The following FREM3 variants were observed in gnomAD, a reference collection of about 807,000 sequenced individuals.
FREM3 encodes FRAS1 related extracellular matrix 3, also known as FRAS1-related extracellular matrix protein 3.
Under a neutral mutation model 129.1 loss-of-function variants are expected in FREM3, and 105 were observed. The ratio of observed to expected loss-of-function variants is 0.81; its 90% CI spans 0.69 to 0.96. The LOEUF is 0.96. FREM3 is among the 40% of genes least tolerant of loss of function. The pLI is 0.00. For missense variants in FREM3, 2,593 were observed against 2,666.3 expected (o/e 0.97, Z 0.61); for synonymous variants, 1,014 against 1,044.9 (o/e 0.97, Z 0.57).
chr4:143,616,050 A>G (rs568384124), intron 5 of FREM3, among the ~76,000 whole-genome samples: 1 of 152,364 alleles, frequency 6.6e-6, no homozygotes, highest in South Asian at 2.1e-4. Context: ...AAGCCCTCAG[A>G]TCTTTCACAG....
chr4:143,699,770 G>A lies in FREM3; in HGVS notation c.906C>T (p.Asn302=), dbSNP rs1740657639. The A allele has an allele frequency of 6.5e-7, 1 of 1,532,820 alleles. No homozygotes were observed. Among genetic ancestry groups the A allele is most frequent in the East Asian group, 2.4e-5 (1 of 40,886 alleles). The allele number at this position is 1,532,820 out of a possible 1,614,324, so 95.0% of individuals were successfully genotyped here. ...LLVRIRGGAE[N]TPPRPSFMAT... ...CCATGAAGCTGGGCCTGGGCGGTGT[G>A]TTCTCGGCTCCGCCGCGGATCCTCA... Residue 302 remains asparagine, a synonymous_variant, in exon 1 of 8, where the codon AAC becomes AAT. Transcript: ENST00000329798. This position sits in a 1 kb window ranked among gnomAD's most constrained non-coding sequence, Gnocchi z 4.2.
Position 143,698,704 on chromosome 4 carries a change from G to T in FREM3, c.1972C>A (p.Arg658Ser). 1.3e-6 allele frequency: 2 copies of T among 1,537,296 alleles called. No individual in the cohort carries two copies. The highest frequency in any genetic ancestry group is 1.7e-6 in the Non-Finnish European group (2 of 1,146,906). ...RDIMEGRLFY[R>S]HLGPHSPQSV... ...TGAGGGCTGTGTGGTCCAAGATGGCGGTAGAAGAGTCTCCCTTCCATTATG... is the reference window on the plus strand; with the variant it reads ...TGAGGGCTGTGTGGTCCAAGATGGCTGTAGAAGAGTCTCCCTTCCATTATG... Residue 658 changes from arginine to serine, a missense_variant, in exon 1 of 8, where the codon CGC becomes AGC. Physicochemically the swap from Arg to Ser is moderately radical, Grantham distance 110. Coordinates refer to ENST00000329798, the MANE Select transcript of FREM3 (RefSeq NM_001168235.2).
intron 2 of FREM3, among the ~76,000 whole-genome samples, chr4:143,674,644 C>T (rs1331889480): frequency 1.3e-5 from 2 of 152,116 alleles, no homozygotes; most frequent in Non-Finnish European, 2.9e-5. Context: ...TTTCAGCAAA[C>T]CCATTTCATG....
intron 4 of FREM3, 116 bp downstream of exon 4, chr4:143,623,992 C>A (rs141703564): frequency 3.2e-6 from 2 of 625,550 alleles, no homozygotes; most frequent in Non-Finnish European, 2.8e-6. Flanking sequence ...CACTTTAAAT[C>A]CTAAATGGAT....
intron 6 of FREM3, among the ~76,000 whole-genome samples, chr4:143,587,570 A>G (rs1235531421): frequency 6.6e-6 from 1 of 152,150 alleles, no homozygotes; most frequent in East Asian, 1.9e-4. Flanking sequence ...TTCTCTTACC[A>G]AGAACTTTCT....
chr4:143,699,261 G>A lies in FREM3; in HGVS notation c.1415C>T (p.Ala472Val). 31 of 1,537,312 alleles carry A rather than the reference G, an allele frequency of 2.0e-5. No homozygotes were observed. The highest frequency in any genetic ancestry group is 2.7e-5 in the Non-Finnish European group (31 of 1,146,940). Residue 472 changes from alanine to valine, a missense_variant, in exon 1 of 8, where the codon GCA becomes GTA. Physicochemically the swap from Ala to Val is moderately conservative, Grantham distance 64 (BLOSUM62 0). Coordinates refer to ENST00000329798, the MANE Select transcript of FREM3 (RefSeq NM_001168235.2). This position sits in a 1 kb window ranked among gnomAD's most constrained non-coding sequence, Gnocchi z 4.2. ...CTGCCCATGTCTCAAGCCCCTGACTGCAGCCATTTTCACCTCTTCCAGGTT... is the reference window on the plus strand; with the variant it reads ...CTGCCCATGTCTCAAGCCCCTGACTACAGCCATTTTCACCTCTTCCAGGTT... ...KDNLEEVKMAAVRGLRHGQLV... is the reference protein window; with the variant it reads ...KDNLEEVKMAVVRGLRHGQLV...
At position 143,682,559 on chromosome 4, in the gene FREM3, T is replaced by C. The variant is rs1265833894; in HGVS notation, c.5275+10554A>G. Among the ~76,000 whole-genome samples, 3 of 151,966 alleles carry C rather than the reference T, an allele frequency of 2.0e-5. No homozygotes were observed. The East Asian group carries it at 5.8e-4, about 29-fold the overall frequency. ...TTGGGTCTGCTCCCACACCGTGGAG[T>C]GTACTTTTCTTTTCAATAAATCCCT... is the stretch of plus-strand genomic sequence containing the variant. On this transcript the variant is annotated intron_variant, in intron 2 of 7. Transcript: ENST00000329798.
At position 143,696,730 on chromosome 4, in the gene FREM3, T is replaced by G. The variant is rs7689147; in HGVS notation, c.3946A>C (p.Lys1316Gln). 131 of 1,537,856 alleles carry G rather than the reference T, an allele frequency of 8.5e-5. 1 individual carries two copies. In the African/African-American group the frequency reaches 1.5e-3, roughly 18 times the overall value. The change falls in exon 1 of 8, where the codon AAG (lysine) becomes CAG (glutamine). Residue 1316 changes from lysine (K) to glutamine (Q), a missense_variant. Lys to Gln is a moderately conservative substitution (Grantham distance 53). This residue lies in a region of FREM3 where 2,276 missense variants were observed against 2,267.2 expected (regional missense o/e 1.00). Coordinates refer to ENST00000329798, the MANE Select transcript of FREM3 (RefSeq NM_001168235.2). ...ATCTCAGAGTGTCCTTTCTCTACCT[T>G]CAGCCCATTGTTGACAGTCAGGTGA... ...TPHLTVNNGL[K>Q]VEKGHSEIIT...
At chr4:143,673,585 T>A (rs1376104241) in intron 2 of FREM3, among the ~76,000 whole-genome samples, 2 of 152,132 alleles carry the variant, frequency 1.3e-5, no homozygotes, top group Non-Finnish European at 1.5e-5. Context: ...GATCTCAAAC[T>A]CCATGCTAGG....
chr4:143,696,423 G>T lies in FREM3; in HGVS notation c.4253C>A (p.Thr1418Asn). The change falls in exon 1 of 8, where the codon ACC (threonine) becomes AAC (asparagine). Residue 1418 changes from threonine (T) to asparagine (N), a missense_variant. Coordinates refer to ENST00000329798, the MANE Select transcript of FREM3 (RefSeq NM_001168235.2). ...GAAGACGCTGTCTAAGTTGCCAATG[G>T]TGACATAGAAGTAGTGGTCTGTCAA... ...NTLTDHYFYV[T>N]IGNLDSVFPE... is the part of the protein sequence containing the mutation. 1.3e-6 allele frequency: 2 copies of T among 1,537,564 alleles called. No individual in the cohort carries two copies. Among genetic ancestry groups the T allele is most frequent in the Non-Finnish European group, 1.7e-6 (2 of 1,146,964 alleles).
At chr4:143,682,311 G>A (rs765691015) in intron 2 of FREM3, among the ~76,000 whole-genome samples, 52 of 152,174 alleles carry the variant, frequency 3.4e-4, no homozygotes, top group Non-Finnish European at 6.2e-4. Flanking sequence ...CCAGCAGACA[G>A]GAGATTGGCT....
At chr4:143,621,004 T>G in intron 5 of FREM3, 33 bp downstream of exon 5, 1 of 1,533,762 alleles carries the variant, frequency 6.5e-7, no homozygotes, top group South Asian at 1.2e-5. Context: ...CATCATCTTA[T>G]TCCTATGAAC....
chr4:143,698,908 C>T lies in FREM3; in HGVS notation c.1768G>A (p.Gly590Arg). 2 of 1,537,452 alleles carry T rather than the reference C, an allele frequency of 1.3e-6. No individual in the cohort carries two copies. The highest frequency in any genetic ancestry group is 1.7e-6 in the Non-Finnish European group (2 of 1,146,956). ...TCCCACTGAGGCTCTTCCTCATTTC[C>T]TTTTAGGGGCTGGTTCTCCAGCACA... ...HFVLENQPLK[G>R]NEEEPQWELA... The change falls in exon 1 of 8, where the codon GGA (glycine) becomes AGA (arginine). Residue 590 changes from glycine (G) to arginine (R), a missense_variant. Gly to Arg is a moderately radical substitution (Grantham distance 125, BLOSUM62 -2). This residue lies in a region of FREM3 where 2,276 missense variants were observed against 2,267.2 expected (regional missense o/e 1.00). Transcript: ENST00000329798.
chr4:143,628,652 T>TGTGTG (rs1739087836), intron 2 of FREM3, among the ~76,000 whole-genome samples: 1 of 152,110 alleles, frequency 6.6e-6, no homozygotes, highest in Admixed American at 6.5e-5. Flanking sequence ...AATGGGGCAG[T>TGTGTG]GTGTGGACTA....
chr4:143,678,528 C>A (rs777034136), intron 2 of FREM3, among the ~76,000 whole-genome samples: 4 of 151,492 alleles, frequency 2.6e-5, no homozygotes, highest in Non-Finnish European at 5.9e-5. Flanking sequence ...TACCCTAGAA[C>A]TGAAAGTATA....
intron 6 of FREM3, among the ~76,000 whole-genome samples, chr4:143,608,572 A>T (rs1050887524): frequency 2.0e-5 from 3 of 152,200 alleles, no homozygotes; most frequent in African/African-American, 7.2e-5. Context: ...GAATAATTGA[A>T]GGTCAGACAA....
intron 2 of FREM3, among the ~76,000 whole-genome samples, chr4:143,687,988 A>G (rs1161676750): frequency 6.6e-6 from 1 of 152,192 alleles, no homozygotes; most frequent in Non-Finnish European, 1.5e-5. Context: ...CTCCTCTTCA[A>G]CATAGTACTG....
chr4:143,677,401 A>T (rs1282216876), intron 2 of FREM3, among the ~76,000 whole-genome samples: 1 of 152,256 alleles, frequency 6.6e-6, no homozygotes, highest in Admixed American at 6.5e-5. Flanking sequence ...TTCAAGATGG[A>T]TTAAAGACTT....
intron 6 of FREM3, among the ~76,000 whole-genome samples, chr4:143,602,245 G>C (rs569132028): frequency 6.6e-6 from 1 of 152,150 alleles, no homozygotes; most frequent in Non-Finnish European, 1.5e-5. Flanking sequence ...CTAAACTGCT[G>C]CTGGAGACAC....
Sources: allele counts gnomAD v4.1 joint callset (sites outside exome capture counted in the v4.1 genomes callset), GRCh38; gene constraint gnomAD v4.1.1; regional missense constraint gnomAD v4.1.1; non-coding constraint Gnocchi (gnomAD v3.1); transcripts MANE v1.5; gene names NCBI Gene and HGNC (gene_info 2026-07-23, HGNC 2026-07-21).